Variants in EXOSC3 observed in about 807,000 individuals in gnomAD.
EXOSC3 encodes the protein exosome component 3.
In EXOSC3, 18 loss-of-function variants were observed where a neutral mutation model predicts 25.1. The observed-to-expected ratio is 0.72, with a 90% CI of 0.50 to 1.06. The LOEUF is 1.06. Ranked by LOEUF, EXOSC3 falls within the 50% of genes least tolerant of loss-of-function variation. The probability of loss-of-function intolerance (pLI) is 0.00; values close to 1 mark genes in which losing one functional copy is unlikely to be tolerated. For missense variants in EXOSC3, 382 were observed against 350.9 expected (o/e 1.09, Z -0.71); for synonymous variants, 165 against 132.2 (o/e 1.25, Z -1.70).
rs191434395 is a variant in EXOSC3, at chr9:37,779,765, C to G, written c.*914G>C. On this transcript the variant is annotated 3_prime_UTR_variant, in exon 4 of 4. Coordinates refer to ENST00000327304, the MANE Select transcript of EXOSC3 (RefSeq NM_016042.4). The stretch of plus-strand genomic sequence containing the variant: ...TATAATCTCTTTGATCCAAAAAGGA[C>G]TTTCTATGGATAGGCTTCAGGGGAT... The G allele has an allele frequency of 6.6e-6, 1 of 152,314 alleles. No homozygotes were observed. The highest frequency in any genetic ancestry group is 2.4e-5 in the African/African-American group (1 of 41,576). 9.4% of individuals were successfully genotyped at this position (152,314 alleles called of 1,614,324 possible).
chr9:37,781,429 G>GT (rs1355757816), intron 3 of EXOSC3, among the ~76,000 whole-genome samples: 1 of 149,874 alleles, frequency 6.7e-6, no homozygotes, highest in Non-Finnish European at 1.5e-5. Context: ...GGCTCTAGGA[G>GT]TAAAGCCCCT....
In EXOSC3 at chr9:37,780,901, A is replaced by G. The variant is rs1217741883; in HGVS notation, c.627-21T>C. On this transcript the variant is annotated intron_variant, in intron 3 of 3. Coordinates refer to ENST00000327304, the MANE Select transcript of EXOSC3 (RefSeq NM_016042.4). ...ATAGCCTGGTGGGAAGAGAAAAGAA[A>G]ATGAAATTTAATGAAGTGGCAAAGG... 5 of 1,594,456 alleles carry G rather than the reference A, an allele frequency of 3.1e-6. No homozygotes were observed. The South Asian group carries it at 5.6e-5, about 18-fold the overall frequency.
intron 2 of EXOSC3, among the ~76,000 whole-genome samples, chr9:37,783,131 C>T (rs1418195902): frequency 6.6e-6 from 1 of 152,174 alleles, no homozygotes; most frequent in Non-Finnish European, 1.5e-5. Context: ...TGAGGAAAGA[C>T]ACCTGGAGTG....
Position 37,785,032 on chromosome 9 carries a change from C to G in EXOSC3, c.13G>C (p.Ala5Pro), listed in dbSNP as rs549030188. The change falls in exon 1 of 4, where the codon GCG (alanine) becomes CCG (proline). Residue 5 changes from alanine (A) to proline (P), a missense_variant. Ala to Pro is a conservative substitution (Grantham distance 27). Transcript: ENST00000327304. The part of the protein sequence containing the change: MAEP[A>P]SVAAESLAGS... The stretch of plus-strand genomic sequence containing the variant: ...GCGAGAGATTCAGCCGCGACAGACG[C>G]AGGTTCGGCCATCGCGGGCTCCACC... 1 of 1,597,794 alleles carries G rather than the reference C, an allele frequency of 6.3e-7. No homozygotes were observed. The highest frequency in any genetic ancestry group is 8.5e-7 in the Non-Finnish European group (1 of 1,170,400).
rs538368141 is a variant in EXOSC3 at position 37,779,861 on chromosome 9, A to G, written c.*818T>C. 2 of 152,228 alleles carry G rather than the reference A, an allele frequency of 1.3e-5. No individual in the cohort carries two copies. The highest frequency in any genetic ancestry group is 4.8e-5 in the African/African-American group (2 of 41,542). The allele number at this position is 152,228 out of a possible 1,614,324, so 9.4% of individuals were successfully genotyped here. On this transcript the variant is annotated 3_prime_UTR_variant, in exon 4 of 4. Coordinates refer to ENST00000327304, the MANE Select transcript of EXOSC3 (RefSeq NM_016042.4). ...ATGTGGATCACCTGGCAGTCTCTTT[A>G]CCTCTAAAGGTTTTGGTTAATATAC...
Position 37,784,902 on chromosome 9 carries a change from G to T in EXOSC3, c.143C>A (p.Ala48Glu). The change falls in exon 1 of 4, where the codon GCA becomes GAA. Residue 48 changes from alanine to glutamate, a missense_variant. Coordinates refer to ENST00000327304, the MANE Select transcript of EXOSC3 (RefSeq NM_016042.4). ...EQEDAEGPGG[A>E]VERPLSLNAR... ...ATTCAGGCTCAACGGTCGCTCCACT[G>T]CACCCCCAGGGCCTTCCGCGTCCTC... 6.2e-7 allele frequency: 1 copy of T among 1,607,116 alleles called. No homozygotes were observed. The highest frequency in any genetic ancestry group is 8.5e-7 in the Non-Finnish European group (1 of 1,176,984).
Position 37,785,056 on chromosome 9 carries a change from C to T in EXOSC3, c.-12G>A. 1.3e-6 allele frequency: 2 copies of T among 1,585,968 alleles called. No individual in the cohort carries two copies. The highest frequency in any genetic ancestry group is 1.1e-5 in the South Asian group (1 of 89,296). On this transcript the variant is annotated 5_prime_UTR_variant, in exon 1 of 4. In the 5' UTR this introduces an upstream ATG that the reference lacks. Coordinates refer to ENST00000327304, the MANE Select transcript of EXOSC3 (RefSeq NM_016042.4). ...GCAGGTTCGGCCATCGCGGGCTCCACCAAACACCGTTTCCGGTACCCGCCT... is the reference window on the plus strand; with the variant it reads ...GCAGGTTCGGCCATCGCGGGCTCCATCAAACACCGTTTCCGGTACCCGCCT...
rs1828529914 is a variant in EXOSC3, at chr9:37,779,981, T to C, written c.*698A>G. ...GATTTGGATTCAGAAATCCTCATAG[T>C]GTTATTTATATAATGATAAAACTCA... is the stretch of plus-strand genomic sequence containing the variant. On this transcript the variant is annotated 3_prime_UTR_variant, in exon 4 of 4. Coordinates refer to ENST00000327304, the MANE Select transcript of EXOSC3 (RefSeq NM_016042.4). The C allele has an allele frequency of 6.6e-6, 1 of 152,222 alleles. No homozygotes were observed. Among genetic ancestry groups the C allele is most frequent in the Admixed American group, 6.5e-5 (1 of 15,278 alleles). The allele number at this position is 152,222 out of a possible 1,614,324, so 9.4% of individuals were successfully genotyped here.
At position 37,783,905 on chromosome 9, in the gene EXOSC3, C is replaced by T. The variant is rs919744989; in HGVS notation, c.474+9G>A. 1.2e-6 allele frequency: 2 copies of T among 1,607,356 alleles called. No individual in the cohort carries two copies. The highest frequency in any genetic ancestry group is 1.7e-6 in the Non-Finnish European group (2 of 1,178,414). ...TTGTTTCTTTGAAACCAAAGGCTCC[C>T]GTAATTACCTGCACATTTGGTCTGT... is the stretch of plus-strand genomic sequence containing the variant. On this transcript the variant is annotated intron_variant, in intron 2 of 3. Transcript: ENST00000327304.
rs1828577814 is a variant in EXOSC3, at chr9:37,780,855, T to G, written c.652A>C (p.Ile218Leu). ...GGATAGAGTTTTCCCACTTCCTGTA[T>G]GATTTCACAATCTGGAGCTAATAGC... is the stretch of plus-strand genomic sequence containing the variant. Reference protein sequence around the residue: ...RKLLAPDCEIIQEVGKLYPLE... With the variant: ...RKLLAPDCEILQEVGKLYPLE... The change falls in exon 4 of 4, where the codon ATA (isoleucine) becomes CTA (leucine). Residue 218 changes from isoleucine (I) to leucine (L), a missense_variant. Physicochemically the swap from Ile to Leu is conservative, Grantham distance 5. Coordinates refer to ENST00000327304, the MANE Select transcript of EXOSC3 (RefSeq NM_016042.4). 2 of 1,613,424 alleles carry G rather than the reference T, an allele frequency of 1.2e-6. No individual in the cohort carries two copies. Among genetic ancestry groups the G allele is most frequent in the South Asian group, 1.1e-5 (1 of 91,064 alleles).
Position 37,781,741 on chromosome 9 carries a change from T to G in EXOSC3, c.626+245A>C, listed in dbSNP as rs7868743. On this transcript the variant is annotated intron_variant, in intron 3 of 3. Coordinates refer to ENST00000327304, the MANE Select transcript of EXOSC3 (RefSeq NM_016042.4). ...TGGGAAGGAAGATATGAATACAGAG[T>G]AAGAGCTTAAGGCATGAAGTATCAG... is the stretch of plus-strand genomic sequence containing the variant. 7,823 of 464,608 alleles carry G rather than the reference T, an allele frequency of 0.017. 110 individuals carry two copies. Among genetic ancestry groups the G allele is most frequent in the East Asian group, 0.039 (1,018 of 25,836 alleles). The allele number at this position is 464,608 out of a possible 1,614,324, so 28.8% of individuals were successfully genotyped here. A position where few individuals can be genotyped will look rare whatever the true frequency, so the allele number is the denominator to read the frequency against.
rs780556571 is a variant in EXOSC3 at position 37,784,237 on chromosome 9, G to C, written c.325-174C>G. ...AGTGCCGGGTGTGCAGCTTCTGGTA[G>C]TCTGTTAATTGAGTCCAAACTCCAT... is the stretch of plus-strand genomic sequence containing the variant. On this transcript the variant is annotated intron_variant, in intron 1 of 3. Transcript: ENST00000327304. The C allele has an allele frequency of 2.7e-5, 17 of 627,812 alleles. No individual in the cohort carries two copies. The Middle Eastern group carries it at 2.0e-3, about 75-fold the overall frequency. 38.9% of individuals were successfully genotyped at this position (627,812 alleles called of 1,614,324 possible). A position where few individuals can be genotyped will look rare whatever the true frequency, so the allele number is the denominator to read the frequency against.
intron 3 of EXOSC3, 131 bp downstream of exon 3, chr9:37,781,855 A>G: frequency 1.0e-6 from 1 of 986,378 alleles, no homozygotes; most frequent in Admixed American, 2.5e-5. Flanking sequence ...AAATGTGTTA[A>G]AATGGATACT....
At chr9:37,783,655 T>C (rs1828641034) in intron 2 of EXOSC3, among the ~76,000 whole-genome samples, 1 of 152,162 alleles carries the variant, frequency 6.6e-6, no homozygotes, top group Non-Finnish European at 1.5e-5. Flanking sequence ...AGATACAACC[T>C]TTCAACTCAG....
intron 2 of EXOSC3, among the ~76,000 whole-genome samples, chr9:37,782,662 T>A (rs1828620624): frequency 6.6e-6 from 1 of 152,166 alleles, no homozygotes; most frequent in African/African-American, 2.4e-5. Context: ...CTGACACTTC[T>A]CCCTGCAGGA....
At chr9:37,784,172 G>T in intron 1 of EXOSC3, 109 bp from the exon 2 acceptor site, 1 of 1,177,626 alleles carries the variant, frequency 8.5e-7, no homozygotes, top group Non-Finnish European at 1.2e-6. Context: ...AGAGAAATCT[G>T]ATCAAATGCC....
At chr9:37,781,031 CAAG>C (rs1828583899) in intron 3 of EXOSC3, 151 bp from the exon 4 acceptor site, 1 of 665,046 alleles carries the variant, frequency 1.5e-6, no homozygotes, top group Admixed American at 2.9e-5. Context: ...TCCTTTCTTC[CAAG>C]AAGGAACTTT....
chr9:37,783,637 G>A (rs1476346078), intron 2 of EXOSC3, among the ~76,000 whole-genome samples: 1 of 152,044 alleles, frequency 6.6e-6, no homozygotes, highest in Non-Finnish European at 1.5e-5. Context: ...ACAAATAATG[G>A]CGATGATAGA....
Position 37,780,601 on chromosome 9 carries a change from G to T in EXOSC3, c.*78C>A. ...CATACATTCACACCTTATCTTCTGA[G>T]TATTTAAATGGGGGAGGTTCACCTG... On this transcript the variant is annotated 3_prime_UTR_variant, in exon 4 of 4. Coordinates refer to ENST00000327304, the MANE Select transcript of EXOSC3 (RefSeq NM_016042.4). The T allele has an allele frequency of 9.1e-7, 1 of 1,100,516 alleles. No individual in the cohort carries two copies. Among genetic ancestry groups the T allele is most frequent in the Non-Finnish European group, 1.4e-6 (1 of 729,606 alleles). 68.2% of individuals were successfully genotyped at this position (1,100,516 alleles called of 1,614,324 possible). A position where few individuals can be genotyped will look rare whatever the true frequency, so the allele number is the denominator to read the frequency against.
Sources: allele counts gnomAD v4.1 joint callset (sites outside exome capture counted in the v4.1 genomes callset), GRCh38; gene constraint gnomAD v4.1.1; transcripts MANE v1.5; gene names NCBI Gene and HGNC (gene_info 2026-07-23, HGNC 2026-07-21).